Variants in PDE4A observed in about 807,000 individuals in gnomAD.
The protein encoded by PDE4A is 3',5'-cyclic-AMP phosphodiesterase 4A.
Under a neutral mutation model 73.9 loss-of-function variants are expected in PDE4A, and 21 were observed. The ratio of observed to expected loss-of-function variants is 0.28; its 90% CI spans 0.20 to 0.41. The LOEUF is 0.41. Among genes scored for constraint, PDE4A ranks in the 10% least tolerant of loss-of-function variants. The probability of loss-of-function intolerance (pLI) is 1.00; values close to 1 mark genes in which losing one functional copy is unlikely to be tolerated. For missense variants in PDE4A, 958 were observed against 1,211.4 expected (o/e 0.79, Z 3.10); for synonymous variants, 463 against 505.4 (o/e 0.92, Z 1.13).
intron 1 of PDE4A, among the ~76,000 whole-genome samples, chr19:10,436,503 C>T (rs546812924): frequency 1.7e-4 from 26 of 151,826 alleles, no homozygotes; most frequent in African/African-American, 4.1e-4. Flanking sequence ...TGCAGTGAGC[C>T]GAGATGGCGC....
chr19:10,417,108 G>A, upstream of PDE4A: 1 of 1,453,050 alleles, frequency 6.9e-7, no homozygotes, highest in Non-Finnish European at 9.0e-7. Context: ...GCTGTGAGGA[G>A]TTTGGTCCCC....
intron 4 of PDE4A, among the ~76,000 whole-genome samples, chr19:10,449,380 G>T (rs1568376234): frequency 6.6e-6 from 1 of 151,762 alleles, no homozygotes; most frequent in Non-Finnish European, 1.5e-5. Flanking sequence ...TTTGTTTTGA[G>T]ATCAAGTCTC....
Position 10,468,383 on chromosome 19 carries a change from G to A in PDE4A, c.*762G>A, listed in dbSNP as rs372040942. 8 of 152,464 alleles carry A rather than the reference G, an allele frequency of 5.2e-5. No homozygotes were observed. Among genetic ancestry groups the A allele is most frequent in the African/African-American group, 1.9e-4 (8 of 41,336 alleles). The allele number at this position is 152,464 out of a possible 1,614,324, so 9.4% of individuals were successfully genotyped here. ...CAGCCTCGGGCCTGGGATTTGAGGAGGGCCCTAGACCTCCTCCACTCTCCA... is the reference window on the plus strand; with the variant it reads ...CAGCCTCGGGCCTGGGATTTGAGGAAGGCCCTAGACCTCCTCCACTCTCCA... On this transcript the variant is annotated 3_prime_UTR_variant, in exon 15 of 15. Transcript: ENST00000380702.
chr19:10,446,483 G>A (rs1372258258), intron 2 of PDE4A, 74 bp downstream of exon 2: 1 of 1,530,314 alleles, frequency 6.5e-7, no homozygotes, highest in Non-Finnish European at 8.8e-7. Flanking sequence ...CCAGCAGGGA[G>A]TCGGGGGGCA....
intron 1 of PDE4A, among the ~76,000 whole-genome samples, chr19:10,428,579 T>C (rs897004011): frequency 1.3e-5 from 2 of 152,216 alleles, no homozygotes; most frequent in Non-Finnish European, 2.9e-5. Flanking sequence ...TGATAATAAC[T>C]GTAGCTCATA....
In PDE4A at chr19:10,458,995, T is replaced by C. The variant is rs960364634; in HGVS notation, c.1102-405T>C. On this transcript the variant is annotated intron_variant, in intron 8 of 14. Transcript: ENST00000380702. The surrounding 1 kb of genome is among the most constrained non-coding windows in gnomAD (Gnocchi z 4.6). ...GAGAGACATGGAAAATAAGCCCTTC[T>C]TCCTTTCTCCCCTGGGGCTCGTGAA... 1.7e-5 allele frequency: 3 copies of C among 181,462 alleles called. No individual in the cohort carries two copies. Among genetic ancestry groups the C allele is most frequent in the African/African-American group, 7.0e-5 (3 of 42,658 alleles). 11.2% of individuals were successfully genotyped at this position (181,462 alleles called of 1,614,324 possible).
intron 1 of PDE4A, among the ~76,000 whole-genome samples, chr19:10,435,864 C>T (rs750897405): frequency 1.3e-5 from 2 of 152,160 alleles, no homozygotes; most frequent in Non-Finnish European, 1.5e-5. Flanking sequence ...CCCTGACTCT[C>T]CCCTATCCCC....
At chr19:10,459,906 A>G in intron 10 of PDE4A, 147 bp downstream of exon 10, 1 of 980,726 alleles carries the variant, frequency 1.0e-6, no homozygotes, top group South Asian at 1.8e-5. Flanking sequence ...TTTGAGACGG[A>G]GTCTTGCTCT....
At chr19:10,417,012 C>T (rs1430093260), upstream of PDE4A, 3 of 1,536,428 alleles carry the variant, frequency 2.0e-6, no homozygotes, top group South Asian at 1.2e-5. Flanking sequence ...GGGGCTTGGG[C>T]TAGGGGCGGG....
intron 1 of PDE4A, among the ~76,000 whole-genome samples, chr19:10,438,536 A>G (rs7253185): frequency 0.32 from 49,159 of 151,934 alleles, 8,204 homozygotes; most frequent in East Asian, 0.53. Context: ...GGGACCTCAT[A>G]TAAGTGGAAT....
intron 2 of PDE4A, among the ~76,000 whole-genome samples, chr19:10,446,711 C>G (rs925027905): frequency 1.3e-5 from 2 of 152,052 alleles, no homozygotes; most frequent in African/African-American, 4.8e-5. Flanking sequence ...TCTCCTGCCT[C>G]AGCCTCCCGA....
chr19:10,420,158 G>A (rs183881418), upstream of PDE4A: 1 of 153,388 alleles, frequency 6.5e-6, no homozygotes, highest in Non-Finnish European at 1.4e-5. This position sits in a 1 kb window ranked among gnomAD's most constrained non-coding sequence, Gnocchi z 6.0. Flanking sequence ...CCCCCCGCCA[G>A]GGGTAGCGGC....
upstream of PDE4A, chr19:10,418,875 A>G: frequency 1.0e-6 from 1 of 984,400 alleles, no homozygotes; most frequent in Non-Finnish European, 1.2e-6. Flanking sequence ...CAAATTCCCT[A>G]GAAGCCGTTT....
intron 1 of PDE4A, among the ~76,000 whole-genome samples, chr19:10,444,188 C>T (rs190364872): frequency 8.0e-4 from 122 of 151,904 alleles, no homozygotes; most frequent in African/African-American, 2.9e-3. Context: ...TGAGACCAGC[C>T]TGACCAACAT....
intron 1 of PDE4A, among the ~76,000 whole-genome samples, chr19:10,432,169 GAGGAGAC>G: frequency 7.9e-6 from 1 of 125,850 alleles, no homozygotes; most frequent in Non-Finnish European, 1.7e-5. Flanking sequence ...GCCTAGGAGG[GAGGAGAC>G]GGGGGGGGGG....
rs1162121051 is a variant in PDE4A, at chr19:10,439,982, CTTT to C, written c.321-6218_321-6216del. On this transcript the variant is annotated intron_variant, in intron 1 of 14. Coordinates refer to ENST00000380702, the MANE Select transcript of PDE4A (RefSeq NM_001111307.2). The stretch of plus-strand genomic sequence containing the variant: ...CCTAATAGGCGTGACATGGTATCTC[CTTT>C]TTTTTTTTTTTTTTTTTGAGACGGA... 6.1e-5 allele frequency among the ~76,000 whole-genome samples: 7 copies of C among 114,020 alleles called. 1 individual carries two copies. Among genetic ancestry groups the C allele is most frequent in the Admixed American group, 3.8e-4 (4 of 10,614 alleles). 74.8% of individuals were successfully genotyped at this position (114,020 alleles called of 152,430 possible). A position where few individuals can be genotyped will look rare whatever the true frequency, so the allele number is the denominator to read the frequency against.
chr19:10,447,570 T>C (rs8110715), intron 2 of PDE4A, among the ~76,000 whole-genome samples: 16,940 of 151,614 alleles, frequency 0.11, 1,092 homozygotes, highest in South Asian at 0.2. Context: ...GGTCTCACTA[T>C]GTTGCCTAGA....
At position 10,467,907 on chromosome 19, in the gene PDE4A, A is replaced by C. The variant is rs2043408093; in HGVS notation, c.*286A>C. 1 of 286,854 alleles carries C rather than the reference A, an allele frequency of 3.5e-6. No homozygotes were observed. The highest frequency in any genetic ancestry group is 6.4e-6 in the Non-Finnish European group (1 of 156,086). The allele number at this position is 286,854 out of a possible 1,614,324, so 17.8% of individuals were successfully genotyped here. A position where few individuals can be genotyped will look rare whatever the true frequency, so the allele number is the denominator to read the frequency against. ...AACATTTTTAGAAAAAGAACAAAAA[A>C]AGAAAAAAAAAAGAAAGAAACACAG... is the stretch of plus-strand genomic sequence containing the variant. On this transcript the variant is annotated 3_prime_UTR_variant, in exon 15 of 15. Transcript: ENST00000380702.
Position 10,458,124 on chromosome 19 carries a change from G to T in PDE4A, c.1101+22G>T, listed in dbSNP as rs368524544. On this transcript the variant is annotated intron_variant, in intron 8 of 14. Transcript: ENST00000380702. This position sits in a 1 kb window ranked among gnomAD's most constrained non-coding sequence, Gnocchi z 4.6. ...CCAAGTGGGTGGGGGCTCAGTAGGG[G>T]CAGGGCTGGAGGGGGTGGTCTCCTG... is the stretch of plus-strand genomic sequence containing the variant. 3.7e-6 allele frequency: 6 copies of T among 1,611,570 alleles called. No homozygotes were observed. In the East Asian group the frequency reaches 8.9e-5, roughly 24 times the overall value.
Sources: gnomAD v4.1 joint callset for allele counts (sites outside exome capture counted in the v4.1 genomes callset) on GRCh38, gnomAD v4.1.1 for gene constraint, Gnocchi (gnomAD v3.1) non-coding constraint, MANE v1.5 for transcripts, NCBI Gene and HGNC (gene_info 2026-07-23, HGNC 2026-07-21) for gene names.